The following EIF2S3B variants were observed in gnomAD, a reference collection of about 807,000 sequenced individuals.
EIF2S3B encodes the protein eukaryotic translation initiation factor 2 subunit 3B.
Under a neutral mutation model 26.4 loss-of-function variants are expected in EIF2S3B, and 16 were observed. The ratio of observed to expected loss-of-function variants is 0.61; its 90% CI spans 0.41 to 0.92. The LOEUF is 0.92. EIF2S3B is among the 40% of genes least tolerant of loss of function. EIF2S3B has a pLI of 0.00. For missense variants in EIF2S3B, 510 were observed against 575.5 expected (o/e 0.89, Z 1.16); for synonymous variants, 183 against 204.4 (o/e 0.90, Z 0.89).
intron 1 of EIF2S3B, among the ~76,000 whole-genome samples, chr12:10,516,723 T>C (rs867966394): frequency 4.9e-4 from 74 of 152,114 alleles, no homozygotes; most frequent in African/African-American, 1.5e-3. Context: ...TTTTTGCCCA[T>C]TTAGTATGAT....
intron 1 of EIF2S3B, chr12:10,522,516 T>A (rs925047937): frequency 1.8e-6 from 1 of 550,468 alleles, no homozygotes; most frequent in African/African-American, 1.9e-5. Context: ...CTAGAAAAAA[T>A]TAGTCTTTCC....
chr12:10,514,001 C>T (rs533638445), intron 1 of EIF2S3B, among the ~76,000 whole-genome samples: 33 of 152,000 alleles, frequency 2.2e-4, no homozygotes, highest in Admixed American at 1.8e-3. Context: ...GGTGACAGAG[C>T]GAGACTCCAT....
Position 10,506,740 on chromosome 12 carries a change from G to T in EIF2S3B, c.838G>T (p.Gly280Cys), listed in dbSNP as rs1157376329. The part of the protein sequence containing the change: ...EVDDLKGGVA[G>C]GSILKGVLKV... ...TGATGACCTTAAGGGAGGTGTAGCT[G>T]GTGGTAGTATCCTAAAAGGAGTATT... Residue 280 changes from glycine (G) to cysteine (C), a missense_variant, in exon 1 of 1, where the codon GGT (glycine) becomes TGT (cysteine). Transcript: ENST00000538173. 3 of 1,614,040 alleles carry T rather than the reference G, an allele frequency of 1.9e-6. No homozygotes were observed. The highest frequency in any genetic ancestry group is 2.5e-6 in the Non-Finnish European group (3 of 1,179,894).
intron 1 of EIF2S3B, among the ~76,000 whole-genome samples, chr12:10,520,720 C>T (rs1864822752): frequency 6.6e-6 from 1 of 152,118 alleles, no homozygotes; most frequent in Non-Finnish European, 1.5e-5. Flanking sequence ...GTCACTCTCT[C>T]CTCACTCATA....
Position 10,507,452 on chromosome 12 carries a change from A to C in EIF2S3B, c.*131A>C. 2 of 1,046,528 alleles carry C rather than the reference A, an allele frequency of 1.9e-6. No homozygotes were observed. Among genetic ancestry groups the C allele is most frequent in the Non-Finnish European group, 2.8e-6 (2 of 715,934 alleles). 64.8% of individuals were successfully genotyped at this position (1,046,528 alleles called of 1,614,324 possible). A position where few individuals can be genotyped will look rare whatever the true frequency, so the allele number is the denominator to read the frequency against. ...GTTTGTTACCTTAGTAGGTAACGGT[A>C]AGGTTATTCTCTCTTTTTTTTTTTG... On this transcript the variant is annotated 3_prime_UTR_variant, in exon 1 of 1. Coordinates refer to ENST00000538173, the MANE Select transcript of EIF2S3B (RefSeq NM_001357734.3).
At chr12:10,512,902 G>C (rs1864719485), downstream of EIF2S3B, among the ~76,000 whole-genome samples, 2 of 152,148 alleles carry the variant, frequency 1.3e-5, no homozygotes, top group African/African-American at 2.4e-5. Context: ...TAGACCTTGA[G>C]GTGCCCGATA....
At position 10,506,374 on chromosome 12, in the gene EIF2S3B, T is replaced by C; in HGVS notation, c.472T>C (p.Leu158=). 2 of 1,614,128 alleles carry C rather than the reference T, an allele frequency of 1.2e-6. No individual in the cohort carries two copies. Among genetic ancestry groups the C allele is most frequent in the Non-Finnish European group, 1.7e-6 (2 of 1,179,992 alleles). The change falls in exon 1 of 1, where the codon TTG becomes CTG. Residue 158 remains leucine, a synonymous_variant. Transcript: ENST00000538173. ...AGCAGTGATGGATGCAGCTCTTCTG[T>C]TGATAGCTGGTAATGAATCTTGCCC... is the stretch of plus-strand genomic sequence containing the variant. The part of the protein sequence containing the change: ...GAAVMDAALL[L]IAGNESCPQP...
exon 2 of EIF2S3B, chr12:10,522,899 C>A: frequency 8.0e-6 from 3 of 375,162 alleles, no homozygotes; most frequent in South Asian, 6.6e-5. Flanking sequence ...TTATATCAGT[C>A]CAAGTTCTTG....
At chr12:10,520,884 C>G (rs1425086519) in intron 1 of EIF2S3B, among the ~76,000 whole-genome samples, 1 of 152,246 alleles carries the variant, frequency 6.6e-6, no homozygotes, top group East Asian at 1.9e-4. Context: ...AACCATTTGT[C>G]AGGGAATATC....
At chr12:10,511,037 A>G (rs916234535), downstream of EIF2S3B, among the ~76,000 whole-genome samples, 2 of 152,112 alleles carry the variant, frequency 1.3e-5, no homozygotes, top group Admixed American at 6.5e-5. Flanking sequence ...GAAAAAGCAA[A>G]ATTAAAAGCC....
intron 1 of EIF2S3B, among the ~76,000 whole-genome samples, chr12:10,520,920 C>T (rs551084183): frequency 5.5e-4 from 83 of 152,220 alleles, no homozygotes; most frequent in African/African-American, 1.9e-3. Context: ...GTAGACTTCT[C>T]TTTGTGATGT....
At position 10,506,663 on chromosome 12, in the gene EIF2S3B, C is replaced by T. The variant is rs2137940143; in HGVS notation, c.761C>T (p.Pro254Leu). Residue 254 changes from proline (P) to leucine (L), a missense_variant, in exon 1 of 1, where the codon CCC becomes CTC. By Grantham distance (98) the Pro-to-Leu change is moderately conservative. Transcript: ENST00000538173. ...CCCCCAAGAGACTTTACTTCAGAGC[C>T]CCGGCTTATTGTTATTAGATCTTTT... ...PVPPRDFTSE[P>L]RLIVIRSFDV... 6.2e-7 allele frequency: 1 copy of T among 1,613,794 alleles called. No homozygotes were observed. Among genetic ancestry groups the T allele is most frequent in the East Asian group, 2.2e-5 (1 of 44,872 alleles).
intron 1 of EIF2S3B, among the ~76,000 whole-genome samples, chr12:10,520,338 C>T (rs1206674632): frequency 7.4e-6 from 1 of 134,586 alleles, no homozygotes; most frequent in African/African-American, 2.8e-5. Context: ...GGAAGGGGAA[C>T]ATCACACTCT....
In EIF2S3B at chr12:10,506,800, A is replaced by G. The variant is rs753150364; in HGVS notation, c.898A>G (p.Ile300Val). The G allele has an allele frequency of 3.1e-6, 5 of 1,613,514 alleles. No individual in the cohort carries two copies. The highest frequency in any genetic ancestry group is 2.7e-5 in the African/African-American group (2 of 74,916). ...CCAGGAGACAGAAGTAAGACCTGGT[A>G]TTGTTTCCAAAGATAGTGAAGGAAA... ...VGQETEVRPG[I>V]VSKDSEGKLM... The change falls in exon 1 of 1, where the codon ATT becomes GTT. Residue 300 changes from isoleucine (I) to valine (V), a missense_variant. Coordinates refer to ENST00000538173, the MANE Select transcript of EIF2S3B (RefSeq NM_001357734.3).
intron 1 of EIF2S3B, among the ~76,000 whole-genome samples, chr12:10,516,761 T>G (rs930645307): frequency 1.3e-5 from 2 of 152,024 alleles, no homozygotes; most frequent in Non-Finnish European, 2.9e-5. Context: ...CATAGATAGC[T>G]CTTATTATTT....
rs538464269 is a variant in EIF2S3B at position 10,508,154 on chromosome 12, T to C, written c.*833T>C. 1.3e-5 allele frequency among the ~76,000 whole-genome samples: 2 copies of C among 152,220 alleles called. No individual in the cohort carries two copies. Among genetic ancestry groups the C allele is most frequent in the South Asian group, 2.1e-4 (1 of 4,824 alleles). ...AAAGGATGCAATGAATGGGTTCGAA[T>C]TGCATGAAAAGGATGCACGAATGGG... On this transcript the variant is annotated 3_prime_UTR_variant, in exon 1 of 1. Coordinates refer to ENST00000538173, the MANE Select transcript of EIF2S3B (RefSeq NM_001357734.3).
downstream of EIF2S3B, among the ~76,000 whole-genome samples, chr12:10,511,196 T>G (rs574547544): frequency 2.1e-5 from 3 of 140,604 alleles, no homozygotes; most frequent in African/African-American, 3.1e-5. Context: ...AGAAAGAAGG[T>G]TTTTTTTTTC....
chr12:10,512,502 T>C (rs1864714518), downstream of EIF2S3B, among the ~76,000 whole-genome samples: 3 of 152,290 alleles, frequency 2.0e-5, no homozygotes, highest in South Asian at 6.2e-4. Flanking sequence ...TTCTAAATTA[T>C]CTACTAGACC....
At chr12:10,522,400 ATTAG>A (rs1280927291) in intron 1 of EIF2S3B, among the ~76,000 whole-genome samples, 5 of 144,500 alleles carry the variant, frequency 3.5e-5, no homozygotes, top group South Asian at 2.2e-4. Flanking sequence ...ATATTCTGTG[ATTAG>A]TTAAATAATA....
Sources: gnomAD v4.1 joint callset for allele counts (sites outside exome capture counted in the v4.1 genomes callset) on GRCh38, gnomAD v4.1.1 for gene constraint, MANE v1.5 for transcripts, NCBI Gene and HGNC (gene_info 2026-07-23, HGNC 2026-07-21) for gene names.